TRPV5: variants seen among roughly 807,000 people sequenced by gnomAD.
The protein encoded by TRPV5 is calcium transport protein 2.
A neutral mutation model predicts 74.1 loss-of-function variants in TRPV5; 66 were observed. The ratio of observed to expected loss-of-function variants is 0.89; its 90% CI spans 0.73 to 1.09. The LOEUF (loss-of-function observed/expected upper bound fraction) is 1.09, where lower values mean the gene tolerates loss of function less well. Ranked by LOEUF, TRPV5 falls within the 50% of genes least tolerant of loss-of-function variation. The pLI, the probability that TRPV5 is intolerant of heterozygous loss-of-function variation, is 0.00. For synonymous variants in TRPV5, 399 were observed against 360.7 expected (o/e 1.11, Z -1.20); for missense variants, 936 against 930.4 (o/e 1.01, Z -0.08).
At position 142,930,162 on chromosome 7, in the gene TRPV5, G is replaced by T; in HGVS notation, c.245C>A (p.Ala82Glu). The T allele has an allele frequency of 1.2e-6, 2 of 1,613,406 alleles. No homozygotes were observed. The highest frequency in any genetic ancestry group is 2.2e-5 in the East Asian group (1 of 44,872). ...GTCATAGAGGGCTGCTATGTGCAGC[G>T]CCGTCTCCCCCAGGGCTCCTGGATT... ...VRQRGALGET[A>E]LHIAALYDNL... is the part of the protein sequence containing the mutation. The change falls in exon 3 of 15, where the codon GCG becomes GAG. Residue 82 changes from alanine to glutamate, a missense_variant. By Grantham distance (107) the Ala-to-Glu change is moderately radical. Coordinates refer to ENST00000265310, the MANE Select transcript of TRPV5 (RefSeq NM_019841.7).
Position 142,920,406 on chromosome 7 carries a change from A to T in TRPV5, c.1123-4838T>A, listed in dbSNP as rs899328746. Among the ~76,000 whole-genome samples, 3 of 152,300 alleles carry T rather than the reference A, an allele frequency of 2.0e-5. No individual in the cohort carries two copies. The South Asian group carries it at 6.2e-4, about 32-fold the overall frequency. On this transcript the variant is annotated intron_variant, in intron 8 of 14. Coordinates refer to ENST00000265310, the MANE Select transcript of TRPV5 (RefSeq NM_019841.7). The stretch of plus-strand genomic sequence containing the variant: ...CTGGAGAGGAGTATCTGGGGGTATG[A>T]ATCAGTATCTGGGGGTATGAATCTT...
chr7:142,913,316 A>C (rs1406657542), intron 12 of TRPV5, among the ~76,000 whole-genome samples: 1 of 152,220 alleles, frequency 6.6e-6, no homozygotes, highest in Non-Finnish European at 1.5e-5. Flanking sequence ...AGTGAGCGTA[A>C]GGGAACTTCA....
Position 142,929,121 on chromosome 7 carries a change from C to T in TRPV5, c.488-1G>A. 1 of 1,613,900 alleles carries T rather than the reference C, an allele frequency of 6.2e-7. No individual in the cohort carries two copies. The highest frequency in any genetic ancestry group is 8.5e-7 in the Non-Finnish European group (1 of 1,179,910). On this transcript the variant is annotated splice_acceptor_variant, in intron 4 of 14. Coordinates refer to ENST00000265310, the MANE Select transcript of TRPV5 (RefSeq NM_019841.7). LOFTEE classifies it high-confidence loss of function. ...GCAGCAAAGGACAAAGGGTGCTCCCCTGTGGACACAGAGAGATCCATGGCA... is the reference window on the plus strand; with the variant it reads ...GCAGCAAAGGACAAAGGGTGCTCCCTTGTGGACACAGAGAGATCCATGGCA...
At position 142,928,131 on chromosome 7, in the gene TRPV5, T is replaced by C. The variant is rs1378392448; in HGVS notation, c.866A>G (p.Glu289Gly). Residue 289 changes from glutamate (E) to glycine (G), a missense_variant, in exon 7 of 15, where the codon GAG becomes GGG. Physicochemically the swap from Glu to Gly is moderately conservative, Grantham distance 98 (BLOSUM62 -2). Coordinates refer to ENST00000265310, the MANE Select transcript of TRPV5 (RefSeq NM_019841.7). The stretch of plus-strand genomic sequence containing the variant: ...GACCACAAGCTCCAGGAAGGACAGC[T>C]CCTCTCCCCAGGAGTCGATCTCCGT... ...DLTEIDSWGEELSFLELVVSS... is the reference protein window; with the variant it reads ...DLTEIDSWGEGLSFLELVVSS... The C allele has an allele frequency of 6.2e-7, 1 of 1,614,098 alleles. No individual in the cohort carries two copies. Among genetic ancestry groups the C allele is most frequent in the Non-Finnish European group, 8.5e-7 (1 of 1,180,018 alleles).
At position 142,915,537 on chromosome 7, in the gene TRPV5, C is replaced by T. The variant is rs1296710710; in HGVS notation, c.1154G>A (p.Arg385Lys). ...GATGCTCACCAGCTCCCCCACCAGC[C>T]TGATGATATCTTCACGTGTCTCATA... ...EAYETREDIIRLVGELVSIVG... is the reference protein window; with the variant it reads ...EAYETREDIIKLVGELVSIVG... Residue 385 changes from arginine to lysine, a missense_variant, in exon 9 of 15, where the codon AGG becomes AAG. By Grantham distance (26) the Arg-to-Lys change is conservative. Coordinates refer to ENST00000265310, the MANE Select transcript of TRPV5 (RefSeq NM_019841.7). 6.2e-7 allele frequency: 1 copy of T among 1,614,062 alleles called. No individual in the cohort carries two copies. Among genetic ancestry groups the T allele is most frequent in the African/African-American group, 1.3e-5 (1 of 74,920 alleles).
chr7:142,908,385 G>A lies in TRPV5; in HGVS notation c.*129C>T. On this transcript the variant is annotated 3_prime_UTR_variant, in exon 15 of 15. Transcript: ENST00000265310. ...GAAGTGTGAGGCATGACCCTTTAGG[G>A]ATTGTTCTGTCTCACCCTCCCATGA... 9.9e-7 allele frequency: 1 copy of A among 1,007,658 alleles called. No homozygotes were observed. Among genetic ancestry groups the A allele is most frequent in the African/African-American group, 1.6e-5 (1 of 61,830 alleles). 62.4% of individuals were successfully genotyped at this position (1,007,658 alleles called of 1,614,324 possible). A position where few individuals can be genotyped will look rare whatever the true frequency, so the allele number is the denominator to read the frequency against.
intron 8 of TRPV5, among the ~76,000 whole-genome samples, chr7:142,921,526 C>T (rs886369951): frequency 3.3e-5 from 5 of 152,034 alleles, no homozygotes; most frequent in Non-Finnish European, 5.9e-5. Flanking sequence ...CGTGATCCGC[C>T]GCCTCAGCCT....
chr7:142,929,999 A>G (rs1796057606), intron 3 of TRPV5, 59 bp downstream of exon 3: 15 of 1,611,050 alleles, frequency 9.3e-6, no homozygotes, highest in African/African-American at 1.3e-5. Context: ...ATTTTAAGAG[A>G]CAACAGCACA....
intron 8 of TRPV5, among the ~76,000 whole-genome samples, chr7:142,918,611 CT>C (rs1246437452): frequency 6.6e-6 from 1 of 152,156 alleles, no homozygotes; most frequent in East Asian, 1.9e-4. Context: ...GTTCTTTAAT[CT>C]TTATCGTCAC....
intron 13 of TRPV5, among the ~76,000 whole-genome samples, chr7:142,910,047 G>T (rs1795678978): frequency 6.6e-6 from 1 of 152,210 alleles, no homozygotes; most frequent in Non-Finnish European, 1.5e-5. Flanking sequence ...ATTAATGACT[G>T]CAAGTTGGCA....
chr7:142,929,226 T>C, intron 4 of TRPV5, 106 bp from the exon 5 acceptor site: 1 of 1,495,210 alleles, frequency 6.7e-7, no homozygotes, highest in Non-Finnish European at 9.1e-7. Flanking sequence ...ATCTCAGTTC[T>C]AGGCTGAGGG....
rs751384098 is a variant in TRPV5, at chr7:142,925,510, C to T, written c.1122+19G>A. On this transcript the variant is annotated intron_variant, in intron 8 of 14. Coordinates refer to ENST00000265310, the MANE Select transcript of TRPV5 (RefSeq NM_019841.7). ...CCCCTTGATGCAATTCTCTCTCATC[C>T]CCTTCTGAGGAGAATCACCTGTAGT... The T allele has an allele frequency of 3.1e-6, 5 of 1,612,862 alleles. No individual in the cohort carries two copies. The highest frequency in any genetic ancestry group is 3.4e-6 in the Non-Finnish European group (4 of 1,178,964).
intron 12 of TRPV5, among the ~76,000 whole-genome samples, chr7:142,914,320 C>T (rs1201961276): frequency 6.6e-6 from 1 of 152,146 alleles, no homozygotes; most frequent in African/African-American, 2.4e-5. Context: ...ACTGGCCAGT[C>T]TTTCCTGTTT....
chr7:142,912,837 G>GATAT, intron 12 of TRPV5, 87 bp from the exon 13 acceptor site: 1 of 734,312 alleles, frequency 1.4e-6, no homozygotes, highest in Non-Finnish European at 2.2e-6. Flanking sequence ...TTCTATCTCT[G>GATAT]ATCTATCTAT....
rs779412908 is a variant in TRPV5, at chr7:142,929,064, G to T, written c.544C>A (p.Leu182Ile). Reference protein sequence around the residue: ...CVNSEEIVRLLIEHGADIRAQ... With the variant: ...CVNSEEIVRLIIEHGADIRAQ... ...CTGATGTCAGCTCCATGCTCAATGA[G>T]CAGCCGCACGATCTCCTCGCTGTTC... The change falls in exon 5 of 15, where the codon CTC (leucine) becomes ATC (isoleucine). Residue 182 changes from leucine to isoleucine, a missense_variant. Transcript: ENST00000265310. 3.7e-6 allele frequency: 6 copies of T among 1,613,958 alleles called. No homozygotes were observed. The African/African-American group carries it at 6.7e-5, about 18-fold the overall frequency.
chr7:142,908,638 G>T lies in TRPV5; in HGVS notation c.2066C>A (p.Ser689Tyr), dbSNP rs1487464735. 1 of 1,614,114 alleles carries T rather than the reference G, an allele frequency of 6.2e-7. No individual in the cohort carries two copies. The highest frequency in any genetic ancestry group is 1.3e-5 in the African/African-American group (1 of 74,936). ...ACTGCTGCTCTGGGACGCGGTCCGG[G>T]ACAGGGAGGAAGTTGGAAGAGCCAA... ...ASLALPTSSL[S>Y]RTASQSSSHR... The change falls in exon 15 of 15, where the codon TCC becomes TAC. Residue 689 changes from serine to tyrosine, a missense_variant. Transcript: ENST00000265310.
Position 142,908,182 on chromosome 7 carries a change from T to TG in TRPV5, c.*331_*332insC. Reference sequence around the variant, plus strand: ...TGGGGAGCCAGAAAAGCCTCACAGCTTACTACTTTCTAGGGGCTGCGTGGG... The same window carrying TG: ...TGGGGAGCCAGAAAAGCCTCACAGCTGTACTACTTTCTAGGGGCTGCGTGGG... On this transcript the variant is annotated 3_prime_UTR_variant, in exon 15 of 15. Coordinates refer to ENST00000265310, the MANE Select transcript of TRPV5 (RefSeq NM_019841.7). 1 of 362,358 alleles carries TG rather than the reference T, an allele frequency of 2.8e-6. No homozygotes were observed. The highest frequency in any genetic ancestry group is 5.0e-6 in the Non-Finnish European group (1 of 198,800). The allele number at this position is 362,358 out of a possible 1,614,324, so 22.4% of individuals were successfully genotyped here.
Position 142,915,532 on chromosome 7 carries a change from C to G in TRPV5, c.1159G>C (p.Val387Leu). 6.2e-7 allele frequency: 1 copy of G among 1,614,178 alleles called. No individual in the cohort carries two copies. The highest frequency in any genetic ancestry group is 8.5e-7 in the Non-Finnish European group (1 of 1,180,032). ...CCAACGATGCTCACCAGCTCCCCCA[C>G]CAGCCTGATGATATCTTCACGTGTC... is the stretch of plus-strand genomic sequence containing the variant. ...YETREDIIRL[V>L]GELVSIVGAV... is the part of the protein sequence containing the mutation. The change falls in exon 9 of 15, where the codon GTG becomes CTG. Residue 387 changes from valine (V) to leucine (L), a missense_variant. Physicochemically the swap from Val to Leu is conservative, Grantham distance 32. Coordinates refer to ENST00000265310, the MANE Select transcript of TRPV5 (RefSeq NM_019841.7).
In TRPV5 at chr7:142,912,876, CT is replaced by C. The variant is rs1393889617; in HGVS notation, c.1520-127del. The C allele has an allele frequency of 1.1e-5, 12 of 1,112,044 alleles. No individual in the cohort carries two copies. In the South Asian group the frequency reaches 1.9e-4, roughly 18 times the overall value. The allele number at this position is 1,112,044 out of a possible 1,614,324, so 68.9% of individuals were successfully genotyped here. On this transcript the variant is annotated intron_variant, in intron 12 of 14. Coordinates refer to ENST00000265310, the MANE Select transcript of TRPV5 (RefSeq NM_019841.7). ...TCTATCTATCTATCTATCTATCTAT[CT>C]ATCTAAATACACTTGCACACATGCA...
Sources: allele counts gnomAD v4.1 joint callset (sites outside exome capture counted in the v4.1 genomes callset), GRCh38; gene constraint gnomAD v4.1.1; transcripts MANE v1.5; gene names NCBI Gene and HGNC (gene_info 2026-07-23, HGNC 2026-07-21).